The following ST18 variants were observed in gnomAD, a reference collection of about 807,000 sequenced individuals.
The protein encoded by ST18 is suppression of tumorigenicity 18 protein.
Under a neutral mutation model 110.0 loss-of-function variants are expected in ST18, and 50 were observed. That is an observed-to-expected ratio of 0.45 (90% CI 0.36 to 0.58). ST18 has a LOEUF of 0.58. Among genes scored for constraint, ST18 ranks in the 20% least tolerant of loss-of-function variants. The pLI, the probability that ST18 is intolerant of heterozygous loss-of-function variation, is 0.00. For synonymous variants in ST18, 461 were observed against 452.4 expected, an observed-to-expected ratio of 1.02 and a Z score of -0.24; for missense variants, 1,306 against 1,280.1, an observed-to-expected ratio of 1.02 and a Z score of -0.31.
At chr8:52,172,685 A>G (rs1278094969) in intron 9 of ST18, 102 bp from the exon 10 acceptor site, 2 of 819,008 alleles carry the variant, frequency 2.4e-6, no homozygotes, top group Non-Finnish European at 3.7e-6. Flanking sequence ...TCACATACAT[A>G]GGTACATACA....
At chr8:52,324,689 C>A (rs1459166657) in intron 2 of ST18, among the ~76,000 whole-genome samples, 1 of 152,096 alleles carries the variant, frequency 6.6e-6, no homozygotes, top group Non-Finnish European at 1.5e-5. Flanking sequence ...TTATAAGGTA[C>A]ATATTATCAA....
intron 2 of ST18, among the ~76,000 whole-genome samples, chr8:52,335,790 T>G (rs1564521279): frequency 6.6e-6 from 1 of 152,156 alleles, no homozygotes; most frequent in Non-Finnish European, 1.5e-5. Flanking sequence ...TCCTCCTGAT[T>G]GGATATCCTC....
intron 2 of ST18, among the ~76,000 whole-genome samples, chr8:52,397,405 A>T (rs1209568463): frequency 6.6e-6 from 1 of 152,182 alleles, no homozygotes; most frequent in African/African-American, 2.4e-5. Context: ...TGTGGTTTGC[A>T]AATATTTTTC....
chr8:52,218,906 C>T (rs1039153267), intron 5 of ST18, among the ~76,000 whole-genome samples: 1 of 150,568 alleles, frequency 6.6e-6, no homozygotes, highest in Non-Finnish European at 1.5e-5. Context: ...CTGAGAAGAG[C>T]TGCTGGGGTC....
chr8:52,352,267 C>T (rs1358289582), intron 2 of ST18, among the ~76,000 whole-genome samples: 1 of 152,106 alleles, frequency 6.6e-6, no homozygotes, highest in Admixed American at 6.6e-5. Context: ...GCACTTGGCG[C>T]GGACAAGACC....
chr8:52,308,118 G>A (rs1382286089), intron 2 of ST18, among the ~76,000 whole-genome samples: 1 of 152,214 alleles, frequency 6.6e-6, no homozygotes, highest in African/African-American at 2.4e-5. Flanking sequence ...GAATGAATGA[G>A]CATGCATCAA....
At chr8:52,405,195 T>G (rs1041038138) in intron 2 of ST18, 1 of 152,244 alleles carries the variant, frequency 6.6e-6, no homozygotes, top group African/African-American at 2.4e-5. Context: ...CAGGAATAAC[T>G]GTCCGAGACT....
Position 52,130,155 on chromosome 8 carries a change from GAAAGAAAGAAAA to G in ST18, c.2666+1791_2666+1802del, listed in dbSNP as rs1311571442. Among the ~76,000 whole-genome samples the G allele has an allele frequency of 2.2e-3, 329 of 149,526 alleles. 3 individuals are homozygous for G. The highest frequency in any genetic ancestry group is 5.7e-3 in the African/African-American group (229 of 39,976). On this transcript the variant is annotated intron_variant, in intron 22 of 25. Transcript: ENST00000689386. ...AGAAAGAAAGAAAGAAAGAAAGAAA[GAAAGAAAGAAAA>G]AGAAAAGAAAATAGTACCTTGGCAT...
At chr8:52,244,838 T>G (rs2093714821) in intron 2 of ST18, among the ~76,000 whole-genome samples, 2 of 152,232 alleles carry the variant, frequency 1.3e-5, no homozygotes, top group African/African-American at 4.8e-5. Context: ...AAATTTGAAT[T>G]TCTACTAAAG....
intron 2 of ST18, among the ~76,000 whole-genome samples, chr8:52,259,234 G>A (rs1193958925): frequency 6.6e-6 from 1 of 152,188 alleles, no homozygotes; most frequent in African/African-American, 2.4e-5. Context: ...CAGTGATGCT[G>A]GAGAGGCCAA....
At chr8:52,390,986 G>T (rs1021191128) in intron 2 of ST18, among the ~76,000 whole-genome samples, 1 of 152,168 alleles carries the variant, frequency 6.6e-6, no homozygotes, top group African/African-American at 2.4e-5. Context: ...GGCACCTGTT[G>T]TTTCTTCCTC....
chr8:52,182,634 A>G (rs2070240891), intron 8 of ST18, among the ~76,000 whole-genome samples: 1 of 152,112 alleles, frequency 6.6e-6, no homozygotes, highest in African/African-American at 2.4e-5. Flanking sequence ...CCGGGGGATG[A>G]GGGAGGGGGA....
At chr8:52,337,880 T>G (rs2140154827) in intron 2 of ST18, among the ~76,000 whole-genome samples, 1 of 151,954 alleles carries the variant, frequency 6.6e-6, no homozygotes, top group African/African-American at 2.4e-5. Context: ...GCCTAAGAGG[T>G]TTTCCTTCTG....
intron 9 of ST18, among the ~76,000 whole-genome samples, chr8:52,178,648 C>CAAAAAAAAAAAAA (rs2068035729): frequency 8.0e-5 from 3 of 37,420 alleles, no homozygotes; most frequent in South Asian, 9.6e-4. Context: ...AAAAAACCAC[C>CAAAAAAAAAAAAA]AAAAACCAAA....
At chr8:52,389,231 A>C (rs1838338407) in intron 2 of ST18, among the ~76,000 whole-genome samples, 1 of 152,146 alleles carries the variant, frequency 6.6e-6, no homozygotes, top group Admixed American at 6.5e-5. Context: ...CAGCACCATC[A>C]GACTCCCAGT....
At chr8:52,172,647 CAA>C in intron 9 of ST18, 64 bp from the exon 10 acceptor site, 1 of 1,333,934 alleles carries the variant, frequency 7.5e-7, no homozygotes, top group Non-Finnish European at 1.0e-6. Flanking sequence ...AAAATTGCAA[CAA>C]GTTATATGTA....
At chr8:52,287,264 G>T (rs192451959) in intron 2 of ST18, among the ~76,000 whole-genome samples, 13 of 152,188 alleles carry the variant, frequency 8.5e-5, no homozygotes, top group East Asian at 7.7e-4. Flanking sequence ...TTTTGCAAGC[G>T]TTGCTGAACA....
intron 8 of ST18, among the ~76,000 whole-genome samples, chr8:52,202,423 T>C (rs772131104): frequency 3.3e-4 from 50 of 152,254 alleles, no homozygotes; most frequent in Non-Finnish European, 6.8e-4. Context: ...AAGTTTTTTT[T>C]TTAAATATAG....
At chr8:52,264,852 C>A (rs990313934) in intron 2 of ST18, among the ~76,000 whole-genome samples, 1 of 152,122 alleles carries the variant, frequency 6.6e-6, no homozygotes, top group African/African-American at 2.4e-5. Flanking sequence ...AGAAGGTGGC[C>A]TTCAAACACC....
Sources: gnomAD v4.1 joint callset for allele counts (sites outside exome capture counted in the v4.1 genomes callset) on GRCh38, gnomAD v4.1.1 for gene constraint, MANE v1.5 for transcripts, NCBI Gene and HGNC (gene_info 2026-07-23, HGNC 2026-07-21) for gene names.